FKBP5: variants seen among roughly 807,000 people sequenced by gnomAD.
The protein encoded by FKBP5 is peptidyl-prolyl cis-trans isomerase FKBP5.
Under a neutral mutation model 50.5 loss-of-function variants are expected in FKBP5, and 23 were observed. The observed-to-expected ratio is 0.46, with a 90% CI of 0.33 to 0.65. FKBP5 has a LOEUF of 0.65. Among genes scored for constraint, FKBP5 ranks in the 30% least tolerant of loss-of-function variants. FKBP5 has a pLI of 0.02. For synonymous variants in FKBP5, 176 were observed against 190.6 expected (o/e 0.92, Z 0.63); for missense variants, 411 against 553.1 (o/e 0.74, Z 2.58).
chr6:35,654,211 G>C (rs535724186), intron 1 of FKBP5, among the ~76,000 whole-genome samples: 9 of 152,226 alleles, frequency 5.9e-5, no homozygotes, highest in Middle Eastern at 6.8e-3. Flanking sequence ...AATCATTTTA[G>C]AACACTGGAT....
chr6:35,660,264 A>ATTT lies in FKBP5; in HGVS notation c.-19-17424_-19-17422dup, dbSNP rs773891773. On this transcript the variant is annotated intron_variant, in intron 1 of 10. Transcript: ENST00000357266. ...AAGTCACTTTAAATGCATTGATGCT[A>ATTT]TTTTTTTTTTTTTTTTTTTTTGAGA... is the stretch of plus-strand genomic sequence containing the variant. Among the ~76,000 whole-genome samples the ATTT allele has an allele frequency of 1.8e-3, 84 of 46,688 alleles. 6 individuals carry two copies. Among genetic ancestry groups the ATTT allele is most frequent in the East Asian group, 0.011 (18 of 1,666 alleles). 30.6% of individuals were successfully genotyped at this position (46,688 alleles called of 152,430 possible). A position where few individuals can be genotyped will look rare whatever the true frequency, so the allele number is the denominator to read the frequency against.
At chr6:35,613,661 T>C (rs1311755648) in intron 5 of FKBP5, among the ~76,000 whole-genome samples, 1 of 152,224 alleles carries the variant, frequency 6.6e-6, no homozygotes, top group Non-Finnish European at 1.5e-5. Flanking sequence ...GTAATCTTTT[T>C]TCTCCTCCCC....
intron 5 of FKBP5, chr6:35,607,755 T>A (rs1272419457): frequency 4.8e-6 from 1 of 209,476 alleles, no homozygotes; most frequent in African/African-American, 2.3e-5. Flanking sequence ...GTGCCGGACA[T>A]GATCTGAGAG....
intron 1 of FKBP5, among the ~76,000 whole-genome samples, chr6:35,671,970 A>ACCATT (rs919788315): frequency 4.6e-5 from 7 of 151,684 alleles, no homozygotes; most frequent in Non-Finnish European, 2.9e-5. Context: ...CCGGGTTCAC[A>ACCATT]CCATTTTCCT....
intron 5 of FKBP5, among the ~76,000 whole-genome samples, chr6:35,600,675 A>T (rs1410839723): frequency 6.6e-6 from 1 of 152,154 alleles, no homozygotes; most frequent in Non-Finnish European, 1.5e-5. Flanking sequence ...TTATTGTTGG[A>T]AGTATCATCT....
intron 1 of FKBP5, among the ~76,000 whole-genome samples, chr6:35,725,663 G>A (rs1396462490): frequency 6.6e-6 from 1 of 152,080 alleles, no homozygotes; most frequent in Non-Finnish European, 1.5e-5. Context: ...GAGCCCAAGT[G>A]GAAGATGGGG....
intron 7 of FKBP5, among the ~76,000 whole-genome samples, chr6:35,588,825 C>T (rs1312053105): frequency 6.8e-6 from 1 of 147,766 alleles, no homozygotes; most frequent in African/African-American, 2.5e-5. Flanking sequence ...AGGCTGGTCT[C>T]AAACTCTTGG....
intron 1 of FKBP5, among the ~76,000 whole-genome samples, chr6:35,727,830 C>G (rs1766750109): frequency 6.6e-6 from 1 of 152,186 alleles, no homozygotes; most frequent in Non-Finnish European, 1.5e-5. Flanking sequence ...GCTCCCCACA[C>G]CTGCTCCCTC....
upstream of FKBP5, among the ~76,000 whole-genome samples, chr6:35,689,321 G>A (rs1765936202): frequency 2.0e-5 from 3 of 152,206 alleles, no homozygotes; most frequent in African/African-American, 7.2e-5. Flanking sequence ...AGAGGCCGGA[G>A]AGGGGCAGGC....
At chr6:35,687,589 A>C (rs1382100615) in intron 1 of FKBP5, among the ~76,000 whole-genome samples, 1 of 152,202 alleles carries the variant, frequency 6.6e-6, no homozygotes, top group Non-Finnish European at 1.5e-5. Flanking sequence ...ATCTAACAAA[A>C]TGGGAAGACA....
At chr6:35,649,522 G>C (rs957136513) in intron 1 of FKBP5, among the ~76,000 whole-genome samples, 2 of 151,902 alleles carry the variant, frequency 1.3e-5, no homozygotes, top group African/African-American at 4.8e-5. Context: ...ACACTAAGCA[G>C]TGGGGATTCT....
chr6:35,577,249 C>A lies in FKBP5; in HGVS notation c.1027-16G>T. On this transcript the variant is annotated splice_polypyrimidine_tract_variant and intron_variant, in intron 9 of 10. Transcript: ENST00000357266. ...GTCCAAGGGCCTAGGAATAGATGGT[C>A]TATATTTTAGAAAGGACGAATTTTA... The A allele has an allele frequency of 1.3e-6, 2 of 1,538,966 alleles. No individual in the cohort carries two copies. The highest frequency in any genetic ancestry group is 2.1e-5 in the Admixed American group (1 of 46,960).
At chr6:35,719,078 G>A (rs1766561627) in intron 2 of FKBP5, among the ~76,000 whole-genome samples, 1 of 152,150 alleles carries the variant, frequency 6.6e-6, no homozygotes, top group South Asian at 2.1e-4. Flanking sequence ...TCCAAGAAGT[G>A]TCCCAAGCCC....
At chr6:35,651,151 TAGA>T (rs139047884) in intron 1 of FKBP5, among the ~76,000 whole-genome samples, 168 of 152,280 alleles carry the variant, frequency 1.1e-3, no homozygotes, top group African/African-American at 3.7e-3. Flanking sequence ...TGCTTATATA[TAGA>T]AGAAGTTTGG....
At chr6:35,704,794 G>T (rs1480522226) in intron 2 of FKBP5, among the ~76,000 whole-genome samples, 19 of 151,978 alleles carry the variant, frequency 1.3e-4, no homozygotes, top group Non-Finnish European at 8.8e-5. Context: ...TTCTGAAAAA[G>T]AATTATAGCC....
At chr6:35,656,660 C>T (rs944436090) in intron 1 of FKBP5, among the ~76,000 whole-genome samples, 1 of 152,000 alleles carries the variant, frequency 6.6e-6, no homozygotes, top group African/African-American at 2.4e-5. Flanking sequence ...GAGGCCGAGG[C>T]AGGTGGATCA....
intron 2 of FKBP5, among the ~76,000 whole-genome samples, chr6:35,718,641 A>G (rs886224966): frequency 2.6e-5 from 4 of 152,332 alleles, no homozygotes; most frequent in East Asian, 1.9e-4. Context: ...TAGCAAGCTA[A>G]AATGTGGCTT....
intron 1 of FKBP5, among the ~76,000 whole-genome samples, chr6:35,726,160 A>C (rs1766705983): frequency 6.6e-6 from 1 of 152,198 alleles, no homozygotes; most frequent in South Asian, 2.1e-4. Context: ...GCTGCAAGAG[A>C]GGTACAGATG....
intron 2 of FKBP5, among the ~76,000 whole-genome samples, chr6:35,716,844 C>T (rs1194762072): frequency 6.6e-6 from 1 of 152,218 alleles, no homozygotes; most frequent in Non-Finnish European, 1.5e-5. Context: ...AGTCCCAAAG[C>T]TGCCACATCA....
Sources: allele counts gnomAD v4.1 joint callset (sites outside exome capture counted in the v4.1 genomes callset), GRCh38; gene constraint gnomAD v4.1.1; transcripts MANE v1.5; gene names NCBI Gene and HGNC (gene_info 2026-07-23, HGNC 2026-07-21).